Variants in DMXL1 observed in about 807,000 individuals in gnomAD.
DMXL1 encodes Dmx like 1, also known as dmX-like protein 1.
In DMXL1, 99 loss-of-function variants were observed where a neutral mutation model predicts 319.2. That is an observed-to-expected ratio of 0.31 (90% CI 0.26 to 0.37). The LOEUF (loss-of-function observed/expected upper bound fraction) is 0.37. Ranked by LOEUF, DMXL1 falls within the 10% of genes least tolerant of loss-of-function variation. DMXL1 has a pLI of 1.00. For missense variants in DMXL1, 3,745 were observed against 3,595.6 expected (o/e 1.04, Z -1.06); for synonymous variants, 1,385 against 1,235.2 (o/e 1.12, Z -2.54).
Position 119,192,539 on chromosome 5 carries a change from T to C in DMXL1, c.7315-1289T>C, listed in dbSNP as rs116178500. Among the ~76,000 whole-genome samples the C allele has an allele frequency of 4.6e-3, 701 of 152,312 alleles. 9 individuals carry two copies. Among genetic ancestry groups the C allele is most frequent in the African/African-American group, 0.016 (655 of 41,572 alleles). ...CCTTTCATACTTACTTATATAACTTTCTGACCCAGTTACACCCGTTAAAAC... is the reference window on the plus strand; with the variant it reads ...CCTTTCATACTTACTTATATAACTTCCTGACCCAGTTACACCCGTTAAAAC... On this transcript the variant is annotated intron_variant, in intron 29 of 43. Transcript: ENST00000539542.
chr5:119,078,729 G>C (rs1329164773), intron 1 of DMXL1, among the ~76,000 whole-genome samples: 1 of 152,158 alleles, frequency 6.6e-6, no homozygotes, highest in Non-Finnish European at 1.5e-5. Context: ...TGGGATTACA[G>C]ACATGACCCA....
intron 23 of DMXL1, 62 bp from the exon 24 acceptor site, chr5:119,170,128 C>T (rs578198412): frequency 1.8e-5 from 27 of 1,484,480 alleles, no homozygotes; most frequent in East Asian, 2.3e-5. Context: ...AGAGAAAAGA[C>T]ACTACAATAG....
In DMXL1 at chr5:119,133,718, G is replaced by T. The variant is rs1340536648; in HGVS notation, c.1794G>T (p.Met598Ile). 5 of 1,614,048 alleles carry T rather than the reference G, an allele frequency of 3.1e-6. No individual in the cohort carries two copies. The highest frequency in any genetic ancestry group is 4.2e-6 in the Non-Finnish European group (5 of 1,180,026). ...TAAGTATTTTTACGCCTAATGTTAT[G>T]ATGATATCAAAACATGCTGATGGTT... ...LKLSIFTPNV[M>I]MISKHADGSL... Residue 598 changes from methionine (M) to isoleucine (I), a missense_variant, in exon 12 of 44, where the codon ATG (methionine) becomes ATT (isoleucine). By Grantham distance (10) the Met-to-Ile change is conservative. Around this residue, in one of 4 missense-constraint regions of DMXL1, gnomAD observed 2,096 missense variants for 1,985.4 expected, o/e 1.06. Transcript: ENST00000539542.
chr5:119,138,246 G>A (rs1470234261), intron 13 of DMXL1, among the ~76,000 whole-genome samples: 1 of 152,152 alleles, frequency 6.6e-6, no homozygotes, highest in African/African-American at 2.4e-5. Context: ...GATGCGGTAT[G>A]TGTGAGAAAA....
intron 40 of DMXL1, among the ~76,000 whole-genome samples, chr5:119,238,573 A>G (rs1161553977): frequency 6.6e-6 from 1 of 152,164 alleles, no homozygotes; most frequent in African/African-American, 2.4e-5. Flanking sequence ...TCTAGTTTCT[A>G]TCTTCTGAAA....
intron 34 of DMXL1, 46 bp from the exon 35 acceptor site, chr5:119,216,855 A>G (rs762474696): frequency 3.1e-5 from 31 of 1,007,450 alleles, no homozygotes; most frequent in Non-Finnish European, 3.7e-5. Flanking sequence ...TATTAGTTCT[A>G]TTACTAAAAT....
At chr5:119,103,695 A>C (rs1757743995) in intron 3 of DMXL1, among the ~76,000 whole-genome samples, 1 of 152,222 alleles carries the variant, frequency 6.6e-6, no homozygotes, top group African/African-American at 2.4e-5. Flanking sequence ...AAGCCTTAAG[A>C]ATTAGTAATT....
At chr5:119,185,070 AT>A (rs1777467831) in intron 28 of DMXL1, among the ~76,000 whole-genome samples, 1 of 152,142 alleles carries the variant, frequency 6.6e-6, no homozygotes, top group African/African-American at 2.4e-5. Context: ...CATTGACAAA[AT>A]TTAGTTTCTT....
intron 28 of DMXL1, chr5:119,178,599 C>T: frequency 3.0e-6 from 3 of 985,290 alleles, no homozygotes; most frequent in Non-Finnish European, 3.6e-6. Context: ...ATGCCTAGCC[C>T]CCACCAGGTA....
intron 3 of DMXL1, among the ~76,000 whole-genome samples, chr5:119,103,868 T>C (rs1004934431): frequency 5.9e-5 from 9 of 152,216 alleles, no homozygotes; most frequent in Admixed American, 5.2e-4. Flanking sequence ...AGAATTTCAA[T>C]GTTTGCCCAT....
chr5:119,155,943 G>T (rs1770953839), intron 19 of DMXL1, among the ~76,000 whole-genome samples: 1 of 152,096 alleles, frequency 6.6e-6, no homozygotes, highest in African/African-American at 2.4e-5. Flanking sequence ...AGTGAACATG[G>T]TTGAAATGAC....
At chr5:119,099,091 T>C (rs990200572) in intron 2 of DMXL1, among the ~76,000 whole-genome samples, 2 of 152,218 alleles carry the variant, frequency 1.3e-5, no homozygotes, top group Admixed American at 1.3e-4. Context: ...GTTACAGGTG[T>C]CCTCTATCTT....
chr5:119,119,778 T>A (rs1184424389), intron 8 of DMXL1, among the ~76,000 whole-genome samples: 1 of 152,146 alleles, frequency 6.6e-6, no homozygotes, highest in African/African-American at 2.4e-5. Context: ...CCCAAAGGAC[T>A]GGGATTACAG....
intron 9 of DMXL1, chr5:119,127,769 C>T: frequency 7.9e-6 from 2 of 254,126 alleles, no homozygotes; most frequent in South Asian, 4.6e-5. Context: ...AGTTTATTTT[C>T]TTCATCATGT....
chr5:119,234,681 A>ATAGTGTACT (rs1787403623), intron 39 of DMXL1, among the ~76,000 whole-genome samples: 2 of 152,104 alleles, frequency 1.3e-5, no homozygotes, highest in African/African-American at 2.4e-5. Context: ...ATTCTCTATC[A>ATAGTGTACT]ATGTGCTTTT....
chr5:119,077,754 A>AGAGTGT (rs1554080968), intron 1 of DMXL1, among the ~76,000 whole-genome samples: 6 of 125,336 alleles, frequency 4.8e-5, no homozygotes, highest in African/African-American at 1.9e-4. Context: ...TTATTTTTTA[A>AGAGTGT]GTGTGTGTGT....
At position 119,110,178 on chromosome 5, in the gene DMXL1, A is replaced by C. The variant is rs772342945; in HGVS notation, c.392A>C (p.Tyr131Ser). The change falls in exon 5 of 44, where the codon TAT becomes TCT. Residue 131 changes from tyrosine (Y) to serine (S), a missense_variant. By Grantham distance (144) the Tyr-to-Ser change is moderately radical. This residue lies in a region of DMXL1 where 2,096 missense variants were observed against 1,985.4 expected (regional missense o/e 1.06). Coordinates refer to ENST00000539542, the MANE Select transcript of DMXL1 (RefSeq NM_001290321.3). ...AGTCGTCTTTTAACTGGTTCCAGCT[A>C]TTTGCAACTCTGGTCCAATACTAAC... Reference protein sequence around the residue: ...TGSRLLTGSSYLQLWSNTNLE... With the variant: ...TGSRLLTGSSSLQLWSNTNLE... The C allele has an allele frequency of 1.9e-6, 3 of 1,598,002 alleles. No homozygotes were observed. Among genetic ancestry groups the C allele is most frequent in the East Asian group, 4.6e-5 (2 of 43,870 alleles).
chr5:119,135,399 G>A (rs1475366385), intron 13 of DMXL1, among the ~76,000 whole-genome samples: 1 of 152,140 alleles, frequency 6.6e-6, no homozygotes, highest in African/African-American at 2.4e-5. Context: ...CACAGAAAAA[G>A]TACTATTTGA....
At chr5:119,233,556 C>T (rs1049942667) in intron 39 of DMXL1, 89 bp downstream of exon 39, 27 of 1,041,572 alleles carry the variant, frequency 2.6e-5, no homozygotes, top group South Asian at 1.6e-4. Flanking sequence ...AGAACAGCTC[C>T]GTGGGTAGTA....
Sources: allele counts gnomAD v4.1 joint callset (sites outside exome capture counted in the v4.1 genomes callset), GRCh38; gene constraint gnomAD v4.1.1; regional missense constraint gnomAD v4.1.1; transcripts MANE v1.5; gene names NCBI Gene and HGNC (gene_info 2026-07-23, HGNC 2026-07-21).